Variants in ANKS1B observed in about 807,000 individuals in gnomAD.
ANKS1B encodes the protein ankyrin repeat and sterile alpha motif domain containing 1B, also known as ankyrin repeat and sterile alpha motif domain-containing protein 1B.
ANKS1B carries 36 observed loss-of-function variants against 148.3 expected under a neutral mutation model. That is an observed-to-expected ratio of 0.24 (90% CI 0.19 to 0.32). The LOEUF (loss-of-function observed/expected upper bound fraction) is 0.32, where lower values mean the gene tolerates loss of function less well. Among genes scored for constraint, ANKS1B ranks in the 10% least tolerant of loss-of-function variants. ANKS1B has a pLI of 1.00. For missense variants in ANKS1B, 1,157 were observed against 1,542.6 expected, an observed-to-expected ratio of 0.75 and a Z score of 4.19; for synonymous variants, 542 against 560.8, an observed-to-expected ratio of 0.97 and a Z score of 0.47.
intron 1 of ANKS1B, among the ~76,000 whole-genome samples, chr12:99,902,886 G>A (rs2093647212): frequency 6.6e-6 from 1 of 151,506 alleles, no homozygotes; most frequent in Non-Finnish European, 1.5e-5. Context: ...AAGCAGCTGG[G>A]ACTACAGGCA....
chr12:99,157,878 T>C (rs112881530), intron 14 of ANKS1B, among the ~76,000 whole-genome samples: 2,680 of 152,292 alleles, frequency 0.018, 81 homozygotes, highest in African/African-American at 0.06. Flanking sequence ...TTCAGACTGC[T>C]ATATAAGAAC....
intron 8 of ANKS1B, among the ~76,000 whole-genome samples, chr12:99,679,343 A>G (rs1221924602): frequency 1.3e-5 from 2 of 152,106 alleles, no homozygotes; most frequent in East Asian, 3.9e-4. Context: ...GGGTCTGGCT[A>G]GGTCACCCAG....
chr12:99,159,622 A>G (rs2076435081), intron 14 of ANKS1B, among the ~76,000 whole-genome samples: 2 of 152,076 alleles, frequency 1.3e-5, no homozygotes. Flanking sequence ...TCTTTACCCA[A>G]TTCACCATTG....
intron 12 of ANKS1B, among the ~76,000 whole-genome samples, chr12:99,392,335 C>G (rs559907699): frequency 6.6e-6 from 1 of 152,378 alleles, no homozygotes; most frequent in East Asian, 1.9e-4. Flanking sequence ...GCCACCCTCT[C>G]CATTCTAATT....
chr12:99,317,680 G>A (rs1401511274), intron 12 of ANKS1B, among the ~76,000 whole-genome samples: 1 of 152,060 alleles, frequency 6.6e-6, no homozygotes, highest in African/African-American at 2.4e-5. Context: ...GATTTGCCCT[G>A]GCCAGAACTT....
At chr12:99,687,603 CTG>C (rs1462677006) in intron 8 of ANKS1B, among the ~76,000 whole-genome samples, 2 of 152,082 alleles carry the variant, frequency 1.3e-5, no homozygotes, top group Non-Finnish European at 2.9e-5. Flanking sequence ...AGTCCTATCT[CTG>C]TTATTAATCT....
chr12:99,322,151 A>G (rs1401171368), intron 12 of ANKS1B, among the ~76,000 whole-genome samples: 1 of 152,218 alleles, frequency 6.6e-6, no homozygotes. Context: ...TGTGGTACAT[A>G]TATACCATGG....
chr12:99,942,074 A>G (rs1232319719), intron 1 of ANKS1B, among the ~76,000 whole-genome samples: 2 of 152,192 alleles, frequency 1.3e-5, no homozygotes, highest in East Asian at 1.9e-4. Flanking sequence ...AATTGAGAGC[A>G]GACAAGGTAA....
intron 25 of ANKS1B, among the ~76,000 whole-genome samples, chr12:98,755,158 C>T (rs563509774): frequency 4.6e-5 from 7 of 152,208 alleles, no homozygotes; most frequent in Middle Eastern, 3.4e-3. Context: ...CCTCAGGACA[C>T]ATGTGTGAAT....
intron 17 of ANKS1B, chr12:98,895,012 T>C: frequency 4.0e-6 from 3 of 742,850 alleles, no homozygotes; most frequent in Non-Finnish European, 4.9e-6. Flanking sequence ...CGGCGGCGCG[T>C]CCTCCCCCGA....
intron 24 of ANKS1B, 70 bp from the exon 25 acceptor site, chr12:98,773,249 A>G (rs1380263142): frequency 5.3e-6 from 8 of 1,510,372 alleles, no homozygotes; most frequent in Non-Finnish European, 6.2e-6. Context: ...CAAGACAAGT[A>G]ACCCAGGAAG....
chr12:99,983,069 C>T (rs2095729228), intron 1 of ANKS1B, among the ~76,000 whole-genome samples: 1 of 152,176 alleles, frequency 6.6e-6, no homozygotes, highest in African/African-American at 2.4e-5. Flanking sequence ...ATCACTTGGG[C>T]TTTCTAAAAT....
chr12:99,366,078 G>C (rs1456153762), intron 12 of ANKS1B, among the ~76,000 whole-genome samples: 2 of 152,106 alleles, frequency 1.3e-5, no homozygotes, highest in Non-Finnish European at 2.9e-5. Flanking sequence ...TGTATTACAG[G>C]GGGCAGCCCC....
At chr12:99,334,274 G>A (rs2088294291) in intron 12 of ANKS1B, among the ~76,000 whole-genome samples, 1 of 151,954 alleles carries the variant, frequency 6.6e-6, no homozygotes, top group Admixed American at 6.6e-5. Context: ...TCCTGGTACT[G>A]GATGGCTTCA....
intron 1 of ANKS1B, among the ~76,000 whole-genome samples, chr12:99,962,997 T>C (rs2153832688): frequency 6.6e-6 from 1 of 152,204 alleles, no homozygotes; most frequent in East Asian, 1.9e-4. Flanking sequence ...GTATTTTTAG[T>C]GGAGACGGGG....
At chr12:99,616,618 T>C (rs2097964938) in intron 9 of ANKS1B, among the ~76,000 whole-genome samples, 1 of 152,178 alleles carries the variant, frequency 6.6e-6, no homozygotes, top group African/African-American at 2.4e-5. Flanking sequence ...ACCCCTTTCT[T>C]ACATCTTATA....
intron 9 of ANKS1B, among the ~76,000 whole-genome samples, chr12:99,632,767 A>ATATATATATATATATATATATATATATT (rs1441486862): frequency 1.4e-5 from 1 of 71,336 alleles, no homozygotes; most frequent in Non-Finnish European, 2.9e-5. Context: ...ATATATATAT[A>ATATATATATATATATATATATATATATT]TTTTAATTAT....
chr12:99,565,428 A>G (rs1405949294), intron 9 of ANKS1B, among the ~76,000 whole-genome samples: 2 of 152,212 alleles, frequency 1.3e-5, no homozygotes, highest in Non-Finnish European at 2.9e-5. Context: ...GCACAGCACA[A>G]CAGCTATAGA....
rs746974852 is a variant in ANKS1B, at chr12:99,407,843, T to C, written c.1576-8032A>G. ...AAACTATAAACACGGATGAAAGACA[T>C]TGAAAATCATATAAGAAAATGAAAA... On this transcript the variant is annotated intron_variant, in intron 11 of 26. Coordinates refer to ENST00000683438, the MANE Select transcript of ANKS1B (RefSeq NM_001352186.2). Among the ~76,000 whole-genome samples the C allele has an allele frequency of 1.8e-4, 26 of 145,686 alleles. 2 individuals carry two copies. The highest frequency in any genetic ancestry group is 2.7e-4 in the Non-Finnish European group (18 of 65,908).
Sources: allele counts gnomAD v4.1 joint callset (sites outside exome capture counted in the v4.1 genomes callset), GRCh38; gene constraint gnomAD v4.1.1; transcripts MANE v1.5; gene names NCBI Gene and HGNC (gene_info 2026-07-23, HGNC 2026-07-21).